ST3GAL4: variants seen among roughly 807,000 people sequenced by gnomAD.
ST3GAL4 encodes ST3 beta-galactoside alpha-2,3-sialyltransferase 4.
A neutral mutation model predicts 42.6 loss-of-function variants in ST3GAL4; 24 were observed. The observed-to-expected ratio is 0.56, with a 90% CI of 0.41 to 0.79. ST3GAL4 has a LOEUF of 0.79. ST3GAL4 is among the 30% of genes least tolerant of loss of function. The pLI is 0.00. For missense variants in ST3GAL4, 311 were observed against 430.8 expected, an observed-to-expected ratio of 0.72 and a Z score of 2.46; for synonymous variants, 135 against 163.2, an observed-to-expected ratio of 0.83 and a Z score of 1.32.
rs1953801801 is a variant in ST3GAL4, at chr11:126,396,967, G to A, written c.-60-9129G>A. Among the ~76,000 whole-genome samples, 1 of 152,090 alleles carries A rather than the reference G, an allele frequency of 6.6e-6. No individual in the cohort carries two copies. Among genetic ancestry groups the A allele is most frequent in the African/African-American group, 2.4e-5 (1 of 41,350 alleles). On this transcript the variant is annotated intron_variant, in intron 1 of 10. Coordinates refer to ENST00000444328, the MANE Select transcript of ST3GAL4 (RefSeq NM_001254757.2). The surrounding 1 kb of genome is among the most constrained non-coding windows in gnomAD (Gnocchi z 5.8). ...TCTGGAAACACTTTGTCACACCTGA[G>A]AAGAGGGATTTCCTACTGGTGTCTA...
rs59029262 is a variant in ST3GAL4 at position 126,377,479 on chromosome 11, C to CTT, written c.-61+21655_-61+21656dup. Among the ~76,000 whole-genome samples the CTT allele has an allele frequency of 4.0e-3, 473 of 117,616 alleles. 9 individuals carry two copies. The highest frequency in any genetic ancestry group is 8.1e-3 in the East Asian group (31 of 3,844). 77.2% of individuals were successfully genotyped at this position (117,616 alleles called of 152,430 possible). ...AGCCACCGTGCCTGGCCAACACCTT[C>CTT]TTTTTTTTTTTTTTTTTTTGAGATA... On this transcript the variant is annotated intron_variant, in intron 1 of 10. Coordinates refer to ENST00000444328, the MANE Select transcript of ST3GAL4 (RefSeq NM_001254757.2).
Position 126,396,119 on chromosome 11 carries a change from G to A in ST3GAL4, c.-60-9977G>A, listed in dbSNP as rs954785932. 1.3e-5 allele frequency among the ~76,000 whole-genome samples: 2 copies of A among 151,968 alleles called. No homozygotes were observed. Among genetic ancestry groups the A allele is most frequent in the Non-Finnish European group, 2.9e-5 (2 of 68,006 alleles). On this transcript the variant is annotated intron_variant, in intron 1 of 10. Transcript: ENST00000444328. The surrounding 1 kb of genome is among the most constrained non-coding windows in gnomAD (Gnocchi z 5.8). ...ACCCTGTGGGAGAACTCCCCAGCCC[G>A]TAGCCTGCGCTCACTGTACCTGGCA...
rs1300746393 is a variant in ST3GAL4, at chr11:126,393,079, T to C, written c.-60-13017T>C. 1.3e-5 allele frequency: 2 copies of C among 151,748 alleles called. No individual in the cohort carries two copies. The highest frequency in any genetic ancestry group is 1.3e-4 in the Admixed American group (2 of 15,236). The allele number at this position is 151,748 out of a possible 1,614,324, so 9.4% of individuals were successfully genotyped here. ...TCTCAGCCTCCCAAGTATCTAGGACTACAGGTGTGTGCCACCACACCCGGC... is the reference window on the plus strand; with the variant it reads ...TCTCAGCCTCCCAAGTATCTAGGACCACAGGTGTGTGCCACCACACCCGGC... On this transcript the variant is annotated intron_variant, in intron 1 of 10. Transcript: ENST00000444328. The surrounding 1 kb of genome is among the most constrained non-coding windows in gnomAD (Gnocchi z 5.9).
rs1305188620 is a variant in ST3GAL4, at chr11:126,396,532, A to G, written c.-60-9564A>G. On this transcript the variant is annotated intron_variant, in intron 1 of 10. Coordinates refer to ENST00000444328, the MANE Select transcript of ST3GAL4 (RefSeq NM_001254757.2). The surrounding 1 kb of genome is among the most constrained non-coding windows in gnomAD (Gnocchi z 5.8). ...AGAGCACCAGGGCTGTGGGGGCTAG[A>G]GACTGTGTCTCGTGCGGAAGCGTGG... is the stretch of plus-strand genomic sequence containing the variant. Among the ~76,000 whole-genome samples, 1 of 151,946 alleles carries G rather than the reference A, an allele frequency of 6.6e-6. No homozygotes were observed. The highest frequency in any genetic ancestry group is 1.5e-5 in the Non-Finnish European group (1 of 68,014).
At chr11:126,375,124 A>G (rs1952786911) in intron 1 of ST3GAL4, 1 of 152,372 alleles carries the variant, frequency 6.6e-6, no homozygotes, top group Non-Finnish European at 1.5e-5. Context: ...CAGCGGAGAG[A>G]GTCAGTCCAT....
Position 126,411,190 on chromosome 11 carries a change from G to A in ST3GAL4, c.771+1779G>A. 6.6e-6 allele frequency among the ~76,000 whole-genome samples: 1 copy of A among 151,944 alleles called. No homozygotes were observed. Among genetic ancestry groups the A allele is most frequent in the Non-Finnish European group, 1.5e-5 (1 of 67,982 alleles). Reference sequence around the variant, plus strand: ...AGATGGAGTCTTGCTCTGTCACCCAGGCTGGAGTGCAGTGGGGTGATCTTG... The same window carrying A: ...AGATGGAGTCTTGCTCTGTCACCCAAGCTGGAGTGCAGTGGGGTGATCTTG... On this transcript the variant is annotated intron_variant, in intron 9 of 10. Coordinates refer to ENST00000444328, the MANE Select transcript of ST3GAL4 (RefSeq NM_001254757.2). The surrounding 1 kb of genome is among the most constrained non-coding windows in gnomAD (Gnocchi z 6.3).
intron 1 of ST3GAL4, among the ~76,000 whole-genome samples, chr11:126,371,323 C>A (rs1952638804): frequency 6.6e-6 from 1 of 151,822 alleles, no homozygotes; most frequent in Non-Finnish European, 1.5e-5. Flanking sequence ...CGCCATCACG[C>A]CTGTCTAATT....
In ST3GAL4 at chr11:126,406,628, G is replaced by A. The variant is rs915031403; in HGVS notation, c.101+71G>A. The A allele has an allele frequency of 1.3e-5, 21 of 1,608,068 alleles. No homozygotes were observed. Among genetic ancestry groups the A allele is most frequent in the Non-Finnish European group, 1.7e-5 (20 of 1,176,956 alleles). On this transcript the variant is annotated intron_variant, in intron 3 of 10. Transcript: ENST00000444328. This position sits in a 1 kb window ranked among gnomAD's most constrained non-coding sequence, Gnocchi z 5.4. Reference sequence around the variant, plus strand: ...GGGCTTAGGGATGGAGCATCATGGAGCGGGGGACCTAGTAGGGCAGGAAGG... The same window carrying A: ...GGGCTTAGGGATGGAGCATCATGGAACGGGGGACCTAGTAGGGCAGGAAGG...
At chr11:126,405,895 C>A in intron 1 of ST3GAL4, 1 of 648,682 alleles carries the variant, frequency 1.5e-6, no homozygotes, top group Non-Finnish European at 2.6e-6. Flanking sequence ...CGTGGCAGGG[C>A]TCACCTGGAT....
In ST3GAL4 at chr11:126,386,355, T is replaced by A. The variant is rs1214858575; in HGVS notation, c.-60-19741T>A. On this transcript the variant is annotated intron_variant, in intron 1 of 10. Coordinates refer to ENST00000444328, the MANE Select transcript of ST3GAL4 (RefSeq NM_001254757.2). The surrounding 1 kb of genome is among the most constrained non-coding windows in gnomAD (Gnocchi z 4.7). Reference sequence around the variant, plus strand: ...TGTCCTGCCACAGTGCTCGAGTCAGTGCCCTCCCTGCTTGCATTCGGCCCA... The same window carrying A: ...TGTCCTGCCACAGTGCTCGAGTCAGAGCCCTCCCTGCTTGCATTCGGCCCA... Among the ~76,000 whole-genome samples, 9 of 152,038 alleles carry A rather than the reference T, an allele frequency of 5.9e-5. No individual in the cohort carries two copies. The highest frequency in any genetic ancestry group is 2.2e-4 in the African/African-American group (9 of 41,394).
intron 1 of ST3GAL4, among the ~76,000 whole-genome samples, chr11:126,394,590 A>G (rs1385563010): frequency 6.6e-6 from 1 of 151,840 alleles, no homozygotes; most frequent in African/African-American, 2.4e-5. Flanking sequence ...ATGCCCGGCT[A>G]ATTTTTGTAT....
At position 126,378,590 on chromosome 11, in the gene ST3GAL4, G is replaced by T. The variant is rs1952899788; in HGVS notation, c.-61+22748G>T. ...GCCCAGCTATTTTTTTGTATTTTTAGTAGAGACAGGGTTTCACCGTGTTAG... is the reference window on the plus strand; with the variant it reads ...GCCCAGCTATTTTTTTGTATTTTTATTAGAGACAGGGTTTCACCGTGTTAG... On this transcript the variant is annotated intron_variant, in intron 1 of 10. Transcript: ENST00000444328. This position sits in a 1 kb window ranked among gnomAD's most constrained non-coding sequence, Gnocchi z 5.3. Among the ~76,000 whole-genome samples the T allele has an allele frequency of 6.6e-6, 1 of 152,054 alleles. No homozygotes were observed. The highest frequency in any genetic ancestry group is 1.5e-5 in the Non-Finnish European group (1 of 68,022).
chr11:126,414,113 G>A lies in ST3GAL4; in HGVS notation c.*66G>A, dbSNP rs1228541844. 7 of 1,514,322 alleles carry A rather than the reference G, an allele frequency of 4.6e-6. No individual in the cohort carries two copies. The Admixed American group carries it at 5.0e-5, about 11-fold the overall frequency. The allele number at this position is 1,514,322 out of a possible 1,614,324, so 93.8% of individuals were successfully genotyped here. On this transcript the variant is annotated 3_prime_UTR_variant, in exon 11 of 11. Transcript: ENST00000444328. Reference sequence around the variant, plus strand: ...GTCTGGGTGACCCCCATGCGTGGCTGTGGGGGTGGCTGGTGCCAGTATGAC... The same window carrying A: ...GTCTGGGTGACCCCCATGCGTGGCTATGGGGGTGGCTGGTGCCAGTATGAC...
At chr11:126,390,802 T>C (rs1641161243) in intron 1 of ST3GAL4, among the ~76,000 whole-genome samples, 1 of 152,006 alleles carries the variant, frequency 6.6e-6, no homozygotes, top group Admixed American at 6.6e-5. Flanking sequence ...CTCTTCATCT[T>C]GCCAAACTGA....
Position 126,402,468 on chromosome 11 carries a change from AAG to A in ST3GAL4, c.-60-3626_-60-3625del, listed in dbSNP as rs1424307100. Among the ~76,000 whole-genome samples the A allele has an allele frequency of 3.4e-3, 501 of 147,208 alleles. 4 individuals are homozygous for A. Among genetic ancestry groups the A allele is most frequent in the African/African-American group, 0.012 (468 of 40,178 alleles). The stretch of plus-strand genomic sequence containing the variant: ...GACTGTCTGAAAAAAAAAAAAAAAA[AAG>A]AAGAAGAAGAAGAACTGAGGACAGT... On this transcript the variant is annotated intron_variant, in intron 1 of 10. Transcript: ENST00000444328.
chr11:126,375,162 A>G (rs1952787934), intron 1 of ST3GAL4: 1 of 152,268 alleles, frequency 6.6e-6, no homozygotes, highest in South Asian at 2.1e-4. Context: ...GCTGCAAAAA[A>G]TGGTCGGATT....
At chr11:126,369,588 C>T (rs1418702163) in intron 1 of ST3GAL4, among the ~76,000 whole-genome samples, 3 of 152,124 alleles carry the variant, frequency 2.0e-5, no homozygotes, top group Admixed American at 6.5e-5. Context: ...CAGTGGAAAA[C>T]CTGAGACCCG....
intron 1 of ST3GAL4, among the ~76,000 whole-genome samples, chr11:126,377,459 C>T (rs1952863447): frequency 6.7e-6 from 1 of 148,396 alleles, no homozygotes; most frequent in African/African-American, 2.5e-5. Context: ...GTGTGAGCCA[C>T]CGTGCCTGGC....
intron 1 of ST3GAL4, among the ~76,000 whole-genome samples, chr11:126,387,993 T>C (rs1953296209): frequency 6.6e-6 from 1 of 152,248 alleles, no homozygotes; most frequent in African/African-American, 2.4e-5. Flanking sequence ...CCATAGTGTT[T>C]CCTTGTCTGT....
Sources: gnomAD v4.1 joint callset for allele counts (sites outside exome capture counted in the v4.1 genomes callset) on GRCh38, gnomAD v4.1.1 for gene constraint, Gnocchi (gnomAD v3.1) non-coding constraint, MANE v1.5 for transcripts, NCBI Gene and HGNC (gene_info 2026-07-23, HGNC 2026-07-21) for gene names.